Variants in AXIN1 observed in about 807,000 individuals in gnomAD.
The protein encoded by AXIN1 is axin 1, also known as axin-1.
In AXIN1, 30 loss-of-function variants were observed where a neutral mutation model predicts 76.4. The observed-to-expected ratio is 0.39, with a 90% CI of 0.29 to 0.53. The LOEUF is 0.53. Among genes scored for constraint, AXIN1 ranks in the 20% least tolerant of loss-of-function variants. The pLI is 0.66. For missense variants in AXIN1, 1,140 were observed against 1,198.8 expected (o/e 0.95, Z 0.72); for synonymous variants, 545 against 501.4 (o/e 1.09, Z -1.16).
rs764346231 is a variant in AXIN1, at chr16:291,206, C to A, written c.2278G>T (p.Glu760Ter). 37 of 1,587,580 alleles carry A rather than the reference C, an allele frequency of 2.3e-5. No individual in the cohort carries two copies. The highest frequency in any genetic ancestry group is 3.2e-5 in the Non-Finnish European group (37 of 1,167,806). ...CGCACGTACTCTGTCTCGGAGAGCT[C>A]CATGTCCGACACGGCTGGTACCACG... ...LHVVPAVSDM[E>*]LSETETRSQR... is the part of the protein sequence containing the mutation. Residue 760 changes from glutamate to a stop codon, truncating the protein, a stop_gained, in exon 9 of 11, where the codon GAG (glutamate) becomes TAG (stop). Coordinates refer to ENST00000262320, the MANE Select transcript of AXIN1 (RefSeq NM_003502.4). LOFTEE classifies it high-confidence loss of function.
At chr16:289,383 AC>A in intron 10 of AXIN1, 56 bp downstream of exon 10, 1 of 1,602,414 alleles carries the variant, frequency 6.2e-7, no homozygotes, top group Non-Finnish European at 8.5e-7. Context: ...TCTTTTTCAT[AC>A]CGTTGGGCAC....
rs2052639514 is a variant in AXIN1 at position 293,952 on chromosome 16, C to A, written c.1956-234G>T. Among the ~76,000 whole-genome samples the A allele has an allele frequency of 6.6e-6, 1 of 151,744 alleles. No homozygotes were observed. Among genetic ancestry groups the A allele is most frequent in the Non-Finnish European group, 1.5e-5 (1 of 67,874 alleles). Reference sequence around the variant, plus strand: ...CAGCATTTCGGGAGGCCGAGGCGGGCAGATCACCAGAGGTCGGGAGTTCGA... The same window carrying A: ...CAGCATTTCGGGAGGCCGAGGCGGGAAGATCACCAGAGGTCGGGAGTTCGA... On this transcript the variant is annotated intron_variant, in intron 7 of 10. Coordinates refer to ENST00000262320, the MANE Select transcript of AXIN1 (RefSeq NM_003502.4). The surrounding 1 kb of genome is among the most constrained non-coding windows in gnomAD (Gnocchi z 4.6).
chr16:341,756 A>T (rs1219944780), intron 2 of AXIN1, among the ~76,000 whole-genome samples: 1 of 152,234 alleles, frequency 6.6e-6, no homozygotes, highest in Non-Finnish European at 1.5e-5. Flanking sequence ...CAGGGACTGT[A>T]AATACACCAA....
intron 2 of AXIN1, among the ~76,000 whole-genome samples, chr16:320,721 G>GTATATATATA (rs1363646713): frequency 3.3e-5 from 4 of 120,166 alleles, no homozygotes; most frequent in African/African-American, 1.4e-4. Flanking sequence ...ATGCGTGTGT[G>GTATATATATA]TGTATATATA....
chr16:317,767 T>C lies in AXIN1; in HGVS notation c.879-3084A>G, dbSNP rs190311932. 3.9e-3 allele frequency among the ~76,000 whole-genome samples: 597 copies of C among 152,324 alleles called. 3 individuals are homozygous for C. Among genetic ancestry groups the C allele is most frequent in the African/African-American group, 0.013 (557 of 41,574 alleles). Reference sequence around the variant, plus strand: ...TTTATAAATGACACCATTATTCCTTTGATACTTAAAGCCACAGCTGCTCAG... The same window carrying C: ...TTTATAAATGACACCATTATTCCTTCGATACTTAAAGCCACAGCTGCTCAG... On this transcript the variant is annotated intron_variant, in intron 2 of 10. Coordinates refer to ENST00000262320, the MANE Select transcript of AXIN1 (RefSeq NM_003502.4).
chr16:309,069 A>G (rs1035496696), intron 4 of AXIN1, among the ~76,000 whole-genome samples: 1 of 152,080 alleles, frequency 6.6e-6, no homozygotes, highest in African/African-American at 2.4e-5. Flanking sequence ...AGTGGCTCAC[A>G]CCTGTAATCC....
At chr16:306,691 T>G (rs1005826245) in intron 4 of AXIN1, among the ~76,000 whole-genome samples, 1 of 152,210 alleles carries the variant, frequency 6.6e-6, no homozygotes, top group African/African-American at 2.4e-5. Flanking sequence ...AGCCACAGGC[T>G]TCACTTCAAG....
At chr16:330,153 C>T (rs188479105) in intron 2 of AXIN1, among the ~76,000 whole-genome samples, 1 of 151,856 alleles carries the variant, frequency 6.6e-6, no homozygotes, top group Admixed American at 6.6e-5. Context: ...CTCAACCTCC[C>T]GGTCTCAGGT....
intron 2 of AXIN1, among the ~76,000 whole-genome samples, chr16:344,038 C>G (rs2053983233): frequency 6.6e-6 from 1 of 150,630 alleles, no homozygotes; most frequent in Non-Finnish European, 1.5e-5. Context: ...AAGAAAGAAA[C>G]TCTCAGTTTA....
intron 1 of AXIN1, among the ~76,000 whole-genome samples, chr16:347,734 A>G (rs191633028): frequency 2.0e-4 from 30 of 152,200 alleles, no homozygotes; most frequent in Non-Finnish European, 3.4e-4. Context: ...CTCTCAACAC[A>G]CGCCTCAAAG....
chr16:301,228 G>C (rs1272693089), intron 5 of AXIN1, among the ~76,000 whole-genome samples: 1 of 150,440 alleles, frequency 6.6e-6, no homozygotes, highest in Non-Finnish European at 1.5e-5. Flanking sequence ...CTGAGATCGT[G>C]CCACTGCACT....
intron 2 of AXIN1, among the ~76,000 whole-genome samples, chr16:344,093 T>A (rs1220403728): frequency 6.6e-6 from 1 of 151,886 alleles, no homozygotes; most frequent in East Asian, 1.9e-4. Context: ...TATTGTGTCC[T>A]AAAATGCTTG....
At chr16:350,633 T>A (rs1407754150) in intron 1 of AXIN1, among the ~76,000 whole-genome samples, 4 of 152,206 alleles carry the variant, frequency 2.6e-5, no homozygotes, top group African/African-American at 9.7e-5. Flanking sequence ...GTCCATTGAT[T>A]TAACTCTTGA....
intron 2 of AXIN1, among the ~76,000 whole-genome samples, chr16:338,201 G>A (rs1010784793): frequency 2.6e-5 from 4 of 152,218 alleles, no homozygotes; most frequent in South Asian, 2.1e-4. Flanking sequence ...GAACCGGAGC[G>A]TGTGCGTCAA....
chr16:323,679 T>C (rs1405500670), intron 2 of AXIN1, among the ~76,000 whole-genome samples: 1 of 147,296 alleles, frequency 6.8e-6, no homozygotes, highest in South Asian at 2.2e-4. Context: ...TACTCGGGAG[T>C]CTGAGGCAGG....
At chr16:290,779 A>C in intron 9 of AXIN1, 1 of 355,752 alleles carries the variant, frequency 2.8e-6, no homozygotes, top group South Asian at 2.3e-5. Context: ...CCCACACTGC[A>C]AGCAGACGCA....
chr16:332,492 C>T (rs1394456016), intron 2 of AXIN1, among the ~76,000 whole-genome samples: 2 of 150,964 alleles, frequency 1.3e-5, no homozygotes, highest in Admixed American at 1.3e-4. Flanking sequence ...AGGAGAATGG[C>T]GTGAACCCGG....
At chr16:332,505 G>C (rs896941614) in intron 2 of AXIN1, among the ~76,000 whole-genome samples, 1 of 151,756 alleles carries the variant, frequency 6.6e-6, no homozygotes, top group Non-Finnish European at 1.5e-5. Context: ...GAACCCGGGA[G>C]GTGGAGGTTG....
chr16:340,290 C>G (rs950768855), intron 2 of AXIN1, among the ~76,000 whole-genome samples: 1 of 152,230 alleles, frequency 6.6e-6, no homozygotes, highest in African/African-American at 2.4e-5. Flanking sequence ...TCTCTGGCCA[C>G]AGCCACATTG....
Sources: gnomAD v4.1 joint callset for allele counts (sites outside exome capture counted in the v4.1 genomes callset) on GRCh38, gnomAD v4.1.1 for gene constraint, Gnocchi (gnomAD v3.1) non-coding constraint, MANE v1.5 for transcripts, NCBI Gene and HGNC (gene_info 2026-07-23, HGNC 2026-07-21) for gene names.